The following DOCK1 variants were observed in gnomAD, a reference collection of about 807,000 sequenced individuals.
DOCK1 encodes dedicator of cytokinesis 1.
Under a neutral mutation model 262.7 loss-of-function variants are expected in DOCK1, and 138 were observed. That is an observed-to-expected ratio of 0.53 (90% confidence interval 0.46 to 0.61). The LOEUF (loss-of-function observed/expected upper bound fraction) is 0.61. DOCK1 is among the 20% of genes least tolerant of loss of function. The pLI, the probability that DOCK1 is intolerant of heterozygous loss-of-function variation, is 0.00. For missense variants in DOCK1, 1,908 were observed against 2,370.7 expected, an observed-to-expected ratio of 0.80 and a Z score of 4.05; for synonymous variants, 866 against 867.4, an observed-to-expected ratio of 1.00 and a Z score of 0.03.
chr10:127,271,224 TG>T (rs1464125965), intron 29 of DOCK1, among the ~76,000 whole-genome samples: 1 of 152,138 alleles, frequency 6.6e-6, no homozygotes, highest in Non-Finnish European at 1.5e-5. Context: ...CACCTGCTGG[TG>T]ACTGTCTGGG....
At chr10:127,097,274 G>A (rs976331836) in intron 23 of DOCK1, among the ~76,000 whole-genome samples, 8 of 152,104 alleles carry the variant, frequency 5.3e-5, no homozygotes, top group Admixed American at 4.6e-4. Flanking sequence ...TCCCTCCCAA[G>A]AGTTGTGATT....
rs1024476198 is a variant in DOCK1 at position 127,100,417 on chromosome 10, C to T, written c.2446-5814C>T. Among the ~76,000 whole-genome samples, 15 of 152,144 alleles carry T rather than the reference C, an allele frequency of 9.9e-5. No homozygotes were observed. The highest frequency in any genetic ancestry group is 3.6e-4 in the African/African-American group (15 of 41,452). On this transcript the variant is annotated intron_variant, in intron 23 of 51. Coordinates refer to ENST00000623213, the MANE Select transcript of DOCK1 (RefSeq NM_001290223.2). This position sits in a 1 kb window ranked among gnomAD's most constrained non-coding sequence, Gnocchi z 5.5. ...TGGGGCTTGGCGGTGCAGCGCCTGG[C>T]ACTGGAATCCCTAGGGAAGGCGAGG... is the stretch of plus-strand genomic sequence containing the variant.
At chr10:127,348,755 G>A (rs570853670) in intron 31 of DOCK1, among the ~76,000 whole-genome samples, 34 of 152,282 alleles carry the variant, frequency 2.2e-4, no homozygotes, top group Non-Finnish European at 4.0e-4. Context: ...ACTGGGTTCT[G>A]CAGAATCTTC....
At chr10:127,441,385 G>A (rs888649113) in intron 49 of DOCK1, among the ~76,000 whole-genome samples, 1 of 152,190 alleles carries the variant, frequency 6.6e-6, no homozygotes, top group Non-Finnish European at 1.5e-5. Flanking sequence ...GAACCTTGGC[G>A]GTGCTTCTCA....
At chr10:127,093,245 T>TCTTTCTTTCTTTCTTTC (rs1402479133) in intron 23 of DOCK1, among the ~76,000 whole-genome samples, 20 of 132,444 alleles carry the variant, frequency 1.5e-4, no homozygotes, top group African/African-American at 4.9e-4. Flanking sequence ...CTTTCTTCTT[T>TCTTTCTTTCTTTCTTTC]TTTTTTTTTT....
chr10:127,413,447 C>A (rs1162579089), intron 43 of DOCK1, among the ~76,000 whole-genome samples: 5 of 152,224 alleles, frequency 3.3e-5, no homozygotes, highest in Non-Finnish European at 5.9e-5. Context: ...TACTGGGAAG[C>A]CAGCCTCGGC....
chr10:127,062,565 GT>G (rs921474795), intron 23 of DOCK1, among the ~76,000 whole-genome samples: 7 of 152,210 alleles, frequency 4.6e-5, no homozygotes, highest in Non-Finnish European at 1.0e-4. Flanking sequence ...CTAAGGGGCT[GT>G]GGGCCCTGCC....
chr10:127,371,466 T>G (rs2065205446), intron 33 of DOCK1, among the ~76,000 whole-genome samples: 1 of 152,196 alleles, frequency 6.6e-6, no homozygotes, highest in Non-Finnish European at 1.5e-5. Context: ...GACAGCTAGA[T>G]TTACATGGAA....
In DOCK1 at chr10:127,176,451, C is replaced by T; in HGVS notation, c.2847+48687C>T. On this transcript the variant is annotated intron_variant, in intron 27 of 51. Transcript: ENST00000623213. This position sits in a 1 kb window ranked among gnomAD's most constrained non-coding sequence, Gnocchi z 4.4. ...TGTCAGTGGGACAGAAATACACACT[C>T]AAGCACCGGCCGCACAAACTTTTAG... is the stretch of plus-strand genomic sequence containing the variant. 6.2e-6 allele frequency: 9 copies of T among 1,446,612 alleles called. 1 individual carries two copies. In the East Asian group the frequency reaches 6.9e-5, roughly 11 times the overall value. The allele number at this position is 1,446,612 out of a possible 1,614,324, so 89.6% of individuals were successfully genotyped here.
At chr10:127,113,338 C>T (rs975181518) in intron 25 of DOCK1, among the ~76,000 whole-genome samples, 1 of 152,182 alleles carries the variant, frequency 6.6e-6, no homozygotes, top group African/African-American at 2.4e-5. Context: ...TATGTGTCCT[C>T]CAGGCTCCTT....
At chr10:127,316,299 A>T (rs1475733853) in intron 29 of DOCK1, among the ~76,000 whole-genome samples, 1 of 152,132 alleles carries the variant, frequency 6.6e-6, no homozygotes, top group Non-Finnish European at 1.5e-5. Context: ...CGTTTAACTT[A>T]TATCTGCCCA....
In DOCK1 at chr10:127,330,245, C is replaced by T. The variant is rs185896066; in HGVS notation, c.3045-8761C>T. ...ATATCAGAATTGAATCACAACTTTT[C>T]AGGCCTTGGCAAAATTTTCTTTAAA... On this transcript the variant is annotated intron_variant, in intron 29 of 51. Transcript: ENST00000623213. 2.6e-3 allele frequency among the ~76,000 whole-genome samples: 390 copies of T among 152,296 alleles called. 4 individuals are homozygous for T. The highest frequency in any genetic ancestry group is 9.0e-3 in the African/African-American group (374 of 41,564).
At chr10:126,910,452 G>C (rs11245225) in intron 1 of DOCK1, among the ~76,000 whole-genome samples, 3,614 of 152,302 alleles carry the variant, frequency 0.024, 156 homozygotes, top group East Asian at 0.17. Flanking sequence ...ACACTTGTAC[G>C]CTGTTCCCAC....
chr10:127,308,986 G>T (rs2061970343), intron 29 of DOCK1, among the ~76,000 whole-genome samples: 1 of 152,128 alleles, frequency 6.6e-6, no homozygotes, highest in African/African-American at 2.4e-5. Context: ...GGTATTTCTG[G>T]TTCTAGATCC....
intron 1 of DOCK1, among the ~76,000 whole-genome samples, chr10:126,938,893 G>T (rs1158864802): frequency 1.0e-5 from 1 of 100,376 alleles, no homozygotes; most frequent in Non-Finnish European, 1.8e-5. Context: ...AGGAGGGGAC[G>T]AACACAGGAG....
At chr10:127,264,413 T>C (rs1043262224) in intron 29 of DOCK1, among the ~76,000 whole-genome samples, 2 of 152,210 alleles carry the variant, frequency 1.3e-5, no homozygotes, top group Non-Finnish European at 2.9e-5. Flanking sequence ...CGGGAAATAA[T>C]GATTAGTGTT....
At chr10:126,986,498 TC>T (rs1209491423) in intron 4 of DOCK1, among the ~76,000 whole-genome samples, 11 of 152,044 alleles carry the variant, frequency 7.2e-5, no homozygotes, top group African/African-American at 2.2e-4. Flanking sequence ...ATTCACTCTC[TC>T]CCCCTAACCC....
intron 1 of DOCK1, among the ~76,000 whole-genome samples, chr10:126,943,447 G>C (rs1179595929): frequency 6.6e-6 from 1 of 152,280 alleles, no homozygotes; most frequent in East Asian, 1.9e-4. Flanking sequence ...TGTTAAATGG[G>C]AGTAGTAATA....
At chr10:127,390,455 G>C (rs1220814370) in intron 38 of DOCK1, among the ~76,000 whole-genome samples, 3 of 152,184 alleles carry the variant, frequency 2.0e-5, no homozygotes, top group Admixed American at 6.5e-5. Flanking sequence ...TTTGGAGATA[G>C]GGTCTTTAAA....
Sources: gnomAD v4.1 joint callset for allele counts (sites outside exome capture counted in the v4.1 genomes callset) on GRCh38, gnomAD v4.1.1 for gene constraint, Gnocchi (gnomAD v3.1) non-coding constraint, MANE v1.5 for transcripts, NCBI Gene and HGNC (gene_info 2026-07-23, HGNC 2026-07-21) for gene names.